LEF1: variants seen among roughly 807,000 people sequenced by gnomAD.
LEF1 encodes lymphoid enhancer binding factor 1, also known as lymphoid enhancer-binding factor 1.
LEF1 carries 14 observed loss-of-function variants against 51.2 expected under a neutral mutation model. That is an observed-to-expected ratio of 0.27 (90% confidence interval 0.18 to 0.43). LEF1 has a LOEUF of 0.43. Among genes scored for constraint, LEF1 ranks in the 20% least tolerant of loss-of-function variants. The pLI is 1.00. For synonymous variants in LEF1, 185 were observed against 183.2 expected, an observed-to-expected ratio of 1.01 and a Z score of -0.08; for missense variants, 386 against 512.0, an observed-to-expected ratio of 0.75 and a Z score of 2.37.
intron 8 of LEF1, 40 bp from the exon 9 acceptor site, chr4:108,070,810 A>G: frequency 7.6e-7 from 1 of 1,311,196 alleles, no homozygotes; most frequent in Non-Finnish European, 1.1e-6. Flanking sequence ...AAAAGTAAGC[A>G]AAATAGCAAT....
chr4:108,127,885 A>G (rs1046650887), intron 3 of LEF1, among the ~76,000 whole-genome samples: 5 of 152,108 alleles, frequency 3.3e-5, no homozygotes, highest in Non-Finnish European at 7.4e-5. Flanking sequence ...TTGTCCTTGC[A>G]TCCCTTTTTC....
chr4:108,121,843 T>C (rs534682276), intron 3 of LEF1, among the ~76,000 whole-genome samples: 1 of 152,386 alleles, frequency 6.6e-6, no homozygotes, highest in Non-Finnish European at 1.5e-5. Context: ...TAAGTACCTG[T>C]TGGCTGCACA....
intron 11 of LEF1, among the ~76,000 whole-genome samples, chr4:108,049,218 G>A (rs1192115317): frequency 2.6e-5 from 4 of 152,130 alleles, no homozygotes; most frequent in Non-Finnish European, 4.4e-5. Context: ...GCCAACTCCC[G>A]TGACGCTATG....
chr4:108,133,258 T>C lies in LEF1; in HGVS notation c.414+30310A>G, dbSNP rs139899428. Among the ~76,000 whole-genome samples, 577 of 152,316 alleles carry C rather than the reference T, an allele frequency of 3.8e-3. 5 individuals are homozygous for C. The highest frequency in any genetic ancestry group is 0.013 in the African/African-American group (551 of 41,572). On this transcript the variant is annotated intron_variant, in intron 3 of 11. Transcript: ENST00000265165. ...AACAAGTTCCCAGGTGATGCCGATG[T>C]GGCTGATCTGGAGACCACACTTTGA...
At chr4:108,117,047 A>G (rs1578362491) in intron 3 of LEF1, among the ~76,000 whole-genome samples, 1 of 152,228 alleles carries the variant, frequency 6.6e-6, no homozygotes, top group East Asian at 1.9e-4. Context: ...CTTTTCTGTG[A>G]AGAGGTTAGC....
chr4:108,076,937 G>T (rs1055054795), intron 8 of LEF1, among the ~76,000 whole-genome samples: 21 of 142,610 alleles, frequency 1.5e-4, no homozygotes, highest in African/African-American at 4.7e-4. Flanking sequence ...GGAGGCAGGA[G>T]AATCACTTGA....
chr4:108,157,162 C>CTATA (rs1477115830), intron 3 of LEF1, among the ~76,000 whole-genome samples: 8 of 64,120 alleles, frequency 1.2e-4, no homozygotes, highest in East Asian at 1.2e-3. Flanking sequence ...CTCTCTCTCT[C>CTATA]TCTCTCTATA....
chr4:108,087,812 T>G (rs1739751188), intron 4 of LEF1, among the ~76,000 whole-genome samples: 1 of 152,152 alleles, frequency 6.6e-6, no homozygotes, highest in Non-Finnish European at 1.5e-5. Flanking sequence ...CTTGGGTATC[T>G]CACAGACACT....
intron 3 of LEF1, among the ~76,000 whole-genome samples, chr4:108,090,531 T>C (rs1441268551): frequency 1.3e-5 from 2 of 152,168 alleles, no homozygotes; most frequent in African/African-American, 2.4e-5. Flanking sequence ...CTTAAGTAGG[T>C]TTAACCTAAT....
At chr4:108,122,243 T>C (rs1742224206) in intron 3 of LEF1, among the ~76,000 whole-genome samples, 1 of 152,346 alleles carries the variant, frequency 6.6e-6, no homozygotes, top group Admixed American at 6.5e-5. Context: ...GTGGTTCTGG[T>C]CCATTTTTCC....
intron 3 of LEF1, among the ~76,000 whole-genome samples, chr4:108,160,300 T>C (rs563172152): frequency 1.3e-5 from 2 of 152,266 alleles, no homozygotes; most frequent in African/African-American, 4.8e-5. Flanking sequence ...CCTACAGGGA[T>C]TTTCATAAAT....
intron 3 of LEF1, among the ~76,000 whole-genome samples, chr4:108,139,921 C>G (rs545816745): frequency 6.6e-6 from 1 of 151,882 alleles, no homozygotes; most frequent in African/African-American, 2.4e-5. Flanking sequence ...CCACAAGAAA[C>G]AGAGGAAAAA....
intron 5 of LEF1, among the ~76,000 whole-genome samples, chr4:108,082,293 C>T (rs189312358): frequency 2.0e-3 from 308 of 152,174 alleles, no homozygotes; most frequent in Non-Finnish European, 3.2e-3. Context: ...GCCAGTGGTA[C>T]GATTCAGCAC....
intron 8 of LEF1, among the ~76,000 whole-genome samples, chr4:108,073,392 A>C (rs1738625374): frequency 6.6e-6 from 1 of 152,198 alleles, no homozygotes; most frequent in Non-Finnish European, 1.5e-5. Context: ...CTCAACAAGA[A>C]AAAAGAAAAC....
At chr4:108,089,000 T>G in intron 4 of LEF1, 125 bp downstream of exon 4, 1 of 1,064,364 alleles carries the variant, frequency 9.4e-7, no homozygotes. Context: ...ACTCTTGTCT[T>G]GTAAAAACAC....
intron 3 of LEF1, among the ~76,000 whole-genome samples, chr4:108,103,983 A>T (rs888892276): frequency 6.6e-5 from 10 of 152,250 alleles, no homozygotes; most frequent in Admixed American, 5.9e-4. Flanking sequence ...TAACAATGTT[A>T]AAAACTGAAA....
At chr4:108,076,438 G>A (rs7665504) in intron 8 of LEF1, among the ~76,000 whole-genome samples, 8,081 of 152,038 alleles carry the variant, frequency 0.053, 747 homozygotes, top group African/African-American at 0.18. Flanking sequence ...GCACAATCTC[G>A]GCTCACTGCA....
At chr4:108,166,066 C>T (rs1745370042) in intron 1 of LEF1, among the ~76,000 whole-genome samples, 1 of 152,152 alleles carries the variant, frequency 6.6e-6, no homozygotes, top group South Asian at 2.1e-4. Context: ...TGGCAAAAAG[C>T]CTGTGTTTTG....
intron 7 of LEF1, 32 bp from the exon 8 acceptor site, chr4:108,078,414 A>G (rs567656602): frequency 6.2e-7 from 1 of 1,613,678 alleles, no homozygotes; most frequent in South Asian, 1.1e-5. Flanking sequence ...GGTTAGGGGA[A>G]GGGGTTGAAG....
Sources: allele counts gnomAD v4.1 joint callset (sites outside exome capture counted in the v4.1 genomes callset), GRCh38; gene constraint gnomAD v4.1.1; transcripts MANE v1.5; gene names NCBI Gene and HGNC (gene_info 2026-07-23, HGNC 2026-07-21).